Variants in MAGI2 observed in about 807,000 individuals in gnomAD.
MAGI2 encodes the protein membrane associated guanylate kinase, WW and PDZ domain containing 2, also known as membrane-associated guanylate kinase, WW and PDZ domain-containing protein 2.
MAGI2 carries 35 observed loss-of-function variants against 133.3 expected under a neutral mutation model. The ratio of observed to expected loss-of-function variants is 0.26; its 90% confidence interval spans 0.20 to 0.35. MAGI2 has a LOEUF of 0.35. MAGI2 is among the 10% of genes least tolerant of loss of function. The pLI, the probability that MAGI2 is intolerant of heterozygous loss-of-function variation, is 1.00. For synonymous variants in MAGI2, 729 were observed against 710.6 expected (o/e 1.03, Z -0.41); for missense variants, 1,636 against 1,863.4 (o/e 0.88, Z 2.25).
chr7:78,143,632 A>G (rs959646590), intron 16 of MAGI2, among the ~76,000 whole-genome samples: 4 of 152,256 alleles, frequency 2.6e-5, no homozygotes, highest in Non-Finnish European at 4.4e-5. Context: ...TTATTTTTTG[A>G]AGAAGCATTT....
At chr7:78,395,049 C>G (rs1005285763) in intron 6 of MAGI2, among the ~76,000 whole-genome samples, 2 of 152,110 alleles carry the variant, frequency 1.3e-5, no homozygotes, top group African/African-American at 2.4e-5. Flanking sequence ...GGTCAAAAGG[C>G]TAGTTCTTAT....
chr7:79,034,817 C>A (rs2116847288), intron 1 of MAGI2, among the ~76,000 whole-genome samples: 1 of 152,246 alleles, frequency 6.6e-6, no homozygotes, highest in African/African-American at 2.4e-5. Flanking sequence ...GCAGTACTTT[C>A]AAATACAAAG....
intron 1 of MAGI2, among the ~76,000 whole-genome samples, chr7:79,160,888 T>G (rs1824286283): frequency 6.6e-6 from 1 of 152,016 alleles, no homozygotes; most frequent in South Asian, 2.1e-4. Flanking sequence ...CCTTTTACAT[T>G]GGTGCCCCTT....
chr7:78,494,274 C>A (rs1255247247), intron 5 of MAGI2, among the ~76,000 whole-genome samples: 1 of 152,078 alleles, frequency 6.6e-6, no homozygotes, highest in Non-Finnish European at 1.5e-5. Context: ...ACTTTCAAAT[C>A]AAATTTTCTT....
At chr7:78,805,478 G>A (rs1267842126) in intron 2 of MAGI2, among the ~76,000 whole-genome samples, 2 of 152,074 alleles carry the variant, frequency 1.3e-5, no homozygotes, top group African/African-American at 4.8e-5. Flanking sequence ...AAATACAGTA[G>A]AAGAGGCAGA....
At chr7:79,045,172 A>G (rs575231491) in intron 1 of MAGI2, among the ~76,000 whole-genome samples, 21 of 152,210 alleles carry the variant, frequency 1.4e-4, no homozygotes, top group Non-Finnish European at 2.8e-4. Context: ...ATAAAAGTAA[A>G]TGTAATCTAT....
At chr7:78,597,821 A>G (rs1022165875) in intron 3 of MAGI2, among the ~76,000 whole-genome samples, 17 of 151,634 alleles carry the variant, frequency 1.1e-4, no homozygotes, top group Admixed American at 3.9e-4. Context: ...AGAATCTTCA[A>G]TCCGATATTT....
intron 2 of MAGI2, among the ~76,000 whole-genome samples, chr7:78,819,179 C>T (rs1789870041): frequency 6.6e-6 from 1 of 152,080 alleles, no homozygotes; most frequent in African/African-American, 2.4e-5. Context: ...CTGTTGGCTG[C>T]ATTTATTGTA....
At chr7:78,122,496 T>C (rs748807533) in intron 20 of MAGI2, among the ~76,000 whole-genome samples, 11 of 152,172 alleles carry the variant, frequency 7.2e-5, no homozygotes, top group Non-Finnish European at 1.6e-4. Context: ...TTTTGCATCA[T>C]GTGAGTTTCA....
At chr7:78,832,024 T>A (rs1196089636) in intron 2 of MAGI2, among the ~76,000 whole-genome samples, 1 of 152,172 alleles carries the variant, frequency 6.6e-6, no homozygotes, top group Admixed American at 6.5e-5. Flanking sequence ...TCAATATGAA[T>A]GAGTGGTAAG....
rs73141625 is a variant in MAGI2 at position 79,389,263 on chromosome 7, C to T, written c.301+63757G>A. On this transcript the variant is annotated intron_variant, in intron 1 of 21. Coordinates refer to ENST00000354212, the MANE Select transcript of MAGI2 (RefSeq NM_012301.4). ...TTTCAAATTTGTGTTATTTCATAAA[C>T]GCTATGGTCAGTATGCCATAAAAGA... 4.8e-3 allele frequency among the ~76,000 whole-genome samples: 736 copies of T among 151,960 alleles called. 3 individuals are homozygous for T. Among genetic ancestry groups the T allele is most frequent in the Non-Finnish European group, 8.0e-3 (543 of 67,934 alleles).
At position 78,306,880 on chromosome 7, in the gene MAGI2, G is replaced by C. The variant is rs143396195; in HGVS notation, c.1408+36898C>G. Among the ~76,000 whole-genome samples, 89 of 152,230 alleles carry C rather than the reference G, an allele frequency of 5.8e-4. 1 individual carries two copies. The highest frequency in any genetic ancestry group is 7.9e-4 in the Admixed American group (12 of 15,280). On this transcript the variant is annotated intron_variant, in intron 9 of 21. Coordinates refer to ENST00000354212, the MANE Select transcript of MAGI2 (RefSeq NM_012301.4). ...AGTAACTTACAAATGAGAAATTTCT[G>C]AATACTTTGATCAAAGAGTTTTAAA...
At chr7:79,100,369 C>G (rs1817871564) in intron 1 of MAGI2, among the ~76,000 whole-genome samples, 2 of 151,438 alleles carry the variant, frequency 1.3e-5, no homozygotes, top group South Asian at 4.2e-4. Flanking sequence ...GATAGACAGA[C>G]AAAGAGGTAG....
At chr7:79,319,230 T>C (rs1838987653) in intron 1 of MAGI2, among the ~76,000 whole-genome samples, 1 of 152,190 alleles carries the variant, frequency 6.6e-6, no homozygotes, top group Admixed American at 6.6e-5. Flanking sequence ...TCCAGACTCA[T>C]AAAGTCACCT....
intron 1 of MAGI2, among the ~76,000 whole-genome samples, chr7:79,254,696 C>G (rs886329766): frequency 6.6e-6 from 1 of 152,160 alleles, no homozygotes; most frequent in Non-Finnish European, 1.5e-5. Flanking sequence ...TTCCATGAAT[C>G]TTCTACTTTT....
At chr7:78,227,220 TGTCA>T (rs1335791254) in intron 10 of MAGI2, among the ~76,000 whole-genome samples, 1 of 152,246 alleles carries the variant, frequency 6.6e-6, no homozygotes, top group African/African-American at 2.4e-5. Flanking sequence ...TCCACATTGT[TGTCA>T]GTCATTTTTC....
intron 1 of MAGI2, among the ~76,000 whole-genome samples, chr7:79,230,824 T>G (rs1351404367): frequency 1.3e-5 from 2 of 150,224 alleles, no homozygotes; most frequent in South Asian, 2.1e-4. Flanking sequence ...ATTTTGTCTT[T>G]TGTTGCCATT....
intron 2 of MAGI2, among the ~76,000 whole-genome samples, chr7:78,748,033 A>C (rs1222409966): frequency 1.3e-5 from 2 of 152,194 alleles, no homozygotes; most frequent in Non-Finnish European, 2.9e-5. Flanking sequence ...TAATTCTATC[A>C]GAGTTATAAT....
At chr7:78,971,625 T>C (rs1443447616) in intron 2 of MAGI2, among the ~76,000 whole-genome samples, 1 of 152,036 alleles carries the variant, frequency 6.6e-6, no homozygotes, top group Non-Finnish European at 1.5e-5. Flanking sequence ...TCCTGTTTTA[T>C]GTGTTAAGTT....
Sources: allele counts gnomAD v4.1 joint callset (sites outside exome capture counted in the v4.1 genomes callset), GRCh38; gene constraint gnomAD v4.1.1; transcripts MANE v1.5; gene names NCBI Gene and HGNC (gene_info 2026-07-23, HGNC 2026-07-21).